Variants in IDE observed in about 807,000 individuals in gnomAD.
The protein encoded by IDE is insulin degrading enzyme.
In IDE, 58 loss-of-function variants were observed where a neutral mutation model predicts 133.2. That is an observed-to-expected ratio of 0.44 (90% CI 0.35 to 0.54). The LOEUF is 0.54. Ranked by LOEUF, IDE falls within the 20% of genes least tolerant of loss-of-function variation. The pLI, the probability that IDE is intolerant of heterozygous loss-of-function variation, is 0.00. For missense variants in IDE, 981 were observed against 1,234.0 expected, an observed-to-expected ratio of 0.79 and a Z score of 3.07; for synonymous variants, 396 against 421.3, an observed-to-expected ratio of 0.94 and a Z score of 0.73.
intron 22 of IDE, among the ~76,000 whole-genome samples, chr10:92,459,324 T>A (rs1845227912): frequency 1.3e-5 from 2 of 152,180 alleles, no homozygotes. Context: ...TAAATAAACA[T>A]TAGAAACCCT....
At chr10:92,544,096 G>A (rs1842426743) in intron 1 of IDE, among the ~76,000 whole-genome samples, 1 of 152,184 alleles carries the variant, frequency 6.6e-6, no homozygotes, top group Non-Finnish European at 1.5e-5. Context: ...AGCCAAGCAT[G>A]ATGGCGCATG....
intron 22 of IDE, among the ~76,000 whole-genome samples, chr10:92,457,165 T>C (rs1312968634): frequency 2.0e-5 from 3 of 152,134 alleles, no homozygotes; most frequent in African/African-American, 7.2e-5. Context: ...TGGTGATCTT[T>C]AGTGTCTACA....
chr10:92,525,602 G>A (rs140717962), intron 4 of IDE, among the ~76,000 whole-genome samples: 8 of 152,124 alleles, frequency 5.3e-5, no homozygotes, highest in Admixed American at 1.3e-4. Context: ...GTCATTGTTC[G>A]TAGACAACAT....
At chr10:92,504,769 T>C (rs1441373966) in intron 11 of IDE, 25 bp downstream of exon 11, 2 of 1,166,768 alleles carry the variant, frequency 1.7e-6, no homozygotes, top group Admixed American at 3.6e-5. Context: ...TAGTGTATAA[T>C]AGTAAAATCT....
At chr10:92,470,459 C>T in intron 17 of IDE, 114 bp from the exon 18 acceptor site, 1 of 511,014 alleles carries the variant, frequency 2.0e-6, no homozygotes, top group Non-Finnish European at 3.5e-6. Flanking sequence ...CCTGTAAACA[C>T]TTCACCTAGT....
chr10:92,533,776 C>A (rs926928541), intron 3 of IDE, among the ~76,000 whole-genome samples: 6 of 149,668 alleles, frequency 4.0e-5, no homozygotes, highest in Non-Finnish European at 5.9e-5. Flanking sequence ...GTAATCCCAG[C>A]ACTCTGGGAG....
In IDE at chr10:92,500,374, T is replaced by C. The variant is rs1472244766; in HGVS notation, c.1430+4420A>G. Among the ~76,000 whole-genome samples the C allele has an allele frequency of 4.6e-5, 7 of 152,094 alleles. No homozygotes were observed. In the East Asian group the frequency reaches 7.7e-4, roughly 17 times the overall value. ...GGTATATACATATAATGGAACACTA[T>C]TTAGCCTTAAAAAGAAAGGGAATCC... On this transcript the variant is annotated intron_variant, in intron 11 of 24. Transcript: ENST00000265986.
intron 11 of IDE, among the ~76,000 whole-genome samples, chr10:92,493,342 A>C (rs1847477311): frequency 6.6e-6 from 1 of 152,034 alleles, no homozygotes; most frequent in Non-Finnish European, 1.5e-5. Context: ...ACTAAGTAGA[A>C]GAATCTGGCA....
At chr10:92,485,681 A>AT (rs1846950669) in intron 13 of IDE, among the ~76,000 whole-genome samples, 1 of 152,134 alleles carries the variant, frequency 6.6e-6, no homozygotes. Context: ...GGTAGCTCAC[A>AT]CCTATAATTC....
At chr10:92,511,927 C>T (rs980342178) in intron 5 of IDE, among the ~76,000 whole-genome samples, 3 of 152,138 alleles carry the variant, frequency 2.0e-5, no homozygotes, top group Non-Finnish European at 2.9e-5. Flanking sequence ...CAAGGTTCTA[C>T]CAGGTGTATC....
intron 4 of IDE, among the ~76,000 whole-genome samples, chr10:92,516,203 A>G (rs1848919537): frequency 6.8e-6 from 1 of 148,100 alleles, no homozygotes; most frequent in East Asian, 2.1e-4. Flanking sequence ...AAAAAAAATT[A>G]TACTTCTTGG....
Position 92,541,655 on chromosome 10 carries a change from C to T in IDE, c.99-4105G>A, listed in dbSNP as rs149681890. 3.9e-4 allele frequency among the ~76,000 whole-genome samples: 60 copies of T among 152,242 alleles called. 2 individuals are homozygous for T. The East Asian group carries it at 0.01, about 26-fold the overall frequency. ...ACTGTCTTTTCAGCACTCTGATAAA[C>T]TGGAGAGATATTTAGTAATTACAAC... On this transcript the variant is annotated intron_variant, in intron 1 of 24. Transcript: ENST00000265986.
intron 11 of IDE, among the ~76,000 whole-genome samples, chr10:92,497,470 G>A (rs1441476862): frequency 1.3e-5 from 2 of 152,166 alleles, no homozygotes; most frequent in Admixed American, 6.6e-5. Flanking sequence ...TAATATAAGG[G>A]ACTTGAGCAC....
intron 20 of IDE, 91 bp downstream of exon 20, chr10:92,465,585 C>T: frequency 1.9e-6 from 2 of 1,080,250 alleles, no homozygotes; most frequent in Non-Finnish European, 2.8e-6. Flanking sequence ...GCCTGATATA[C>T]AGTGTTAGGT....
chr10:92,511,101 A>AAAT (rs1848603577), intron 5 of IDE, among the ~76,000 whole-genome samples: 1 of 132,428 alleles, frequency 7.6e-6, no homozygotes, highest in Non-Finnish European at 1.6e-5. Flanking sequence ...AAAAAAAAAA[A>AAAT]CTTTTTTTTT....
chr10:92,476,057 G>T, intron 15 of IDE, 63 bp from the exon 16 acceptor site: 1 of 704,146 alleles, frequency 1.4e-6, no homozygotes, highest in South Asian at 1.8e-5. Flanking sequence ...CCAAATAAAC[G>T]ACTTGATTTT....
At chr10:92,527,799 G>A (rs951069115) in intron 4 of IDE, among the ~76,000 whole-genome samples, 4 of 152,166 alleles carry the variant, frequency 2.6e-5, no homozygotes, top group South Asian at 4.1e-4. Flanking sequence ...GGTGGATCAC[G>A]AGGCTGGGAG....
intron 4 of IDE, among the ~76,000 whole-genome samples, chr10:92,525,752 G>GAAAAAAAA (rs59547662): frequency 5.2e-5 from 6 of 116,410 alleles, no homozygotes; most frequent in Non-Finnish European, 7.0e-5. Context: ...TGAACAATCT[G>GAAAAAAAA]AAAAAAAAAA....
intron 6 of IDE, among the ~76,000 whole-genome samples, chr10:92,509,565 C>T (rs527498471): frequency 1.3e-5 from 2 of 151,860 alleles, no homozygotes; most frequent in Non-Finnish European, 2.9e-5. Flanking sequence ...TGCACTCCAG[C>T]CTGGGCAACA....
Sources: gnomAD v4.1 joint callset for allele counts (sites outside exome capture counted in the v4.1 genomes callset) on GRCh38, gnomAD v4.1.1 for gene constraint, MANE v1.5 for transcripts, NCBI Gene and HGNC (gene_info 2026-07-23, HGNC 2026-07-21) for gene names.